ANO4: variants seen among roughly 807,000 people sequenced by gnomAD.
ANO4 encodes anoctamin-4.
Under a neutral mutation model 141.9 loss-of-function variants are expected in ANO4, and 69 were observed. The observed-to-expected ratio is 0.49, with a 90% CI of 0.40 to 0.59. The LOEUF (loss-of-function observed/expected upper bound fraction) is 0.59, where lower values mean the gene tolerates loss of function less well. ANO4 is among the 20% of genes least tolerant of loss of function. ANO4 has a pLI of 0.00. For missense variants in ANO4, 894 were observed against 1,162.2 expected (o/e 0.77, Z 3.36); for synonymous variants, 350 against 394.3 (o/e 0.89, Z 1.33).
chr12:100,800,753 A>G (rs187109356), intron 1 of ANO4, among the ~76,000 whole-genome samples: 1 of 152,344 alleles, frequency 6.6e-6, no homozygotes, highest in East Asian at 1.9e-4. Flanking sequence ...CAGATTAAAT[A>G]CCACACTCCT....
chr12:100,864,596 A>G (rs1166059467), intron 1 of ANO4, among the ~76,000 whole-genome samples: 1 of 152,082 alleles, frequency 6.6e-6, no homozygotes, highest in South Asian at 2.1e-4. Flanking sequence ...ACACCCACAC[A>G]CAGACACCTT....
At chr12:100,957,241 A>T (rs930594837) in intron 5 of ANO4, among the ~76,000 whole-genome samples, 4 of 152,204 alleles carry the variant, frequency 2.6e-5, no homozygotes, top group African/African-American at 9.6e-5. Context: ...GTCAAAGTGG[A>T]AGTAGACACA....
At chr12:101,051,765 T>C (rs1207251705) in intron 14 of ANO4, among the ~76,000 whole-genome samples, 1 of 152,212 alleles carries the variant, frequency 6.6e-6, no homozygotes, top group African/African-American at 2.4e-5. Flanking sequence ...AACTGGGCAG[T>C]GTGAGCTCCT....
intron 1 of ANO4, among the ~76,000 whole-genome samples, chr12:100,884,845 C>T (rs1166476282): frequency 6.6e-6 from 1 of 152,330 alleles, no homozygotes; most frequent in East Asian, 1.9e-4. Context: ...CAGGCATGCG[C>T]AACCATGCCC....
intron 5 of ANO4, among the ~76,000 whole-genome samples, chr12:100,951,746 A>T (rs17030792): frequency 6.6e-5 from 10 of 152,316 alleles, no homozygotes; most frequent in Non-Finnish European, 1.2e-4. Context: ...TGAGTTTGCT[A>T]CAAAAGATTG....
intron 8 of ANO4, among the ~76,000 whole-genome samples, chr12:101,001,857 A>T (rs2045657906): frequency 6.6e-6 from 1 of 152,156 alleles, no homozygotes; most frequent in African/African-American, 2.4e-5. Context: ...TCAAATAACC[A>T]CTAATTCAAG....
At position 100,895,895 on chromosome 12, in the gene ANO4, A is replaced by G. The variant is rs558577355; in HGVS notation, c.-140-5751A>G. Among the ~76,000 whole-genome samples, 6 of 151,954 alleles carry G rather than the reference A, an allele frequency of 3.9e-5. 1 individual carries two copies. In the South Asian group the frequency reaches 1.0e-3, roughly 26 times the overall value. ...TTATTTATTAAAATATTAGTCATTT[A>G]TTGTGTTCCCGTATACTCATCAAGT... On this transcript the variant is annotated intron_variant, in intron 1 of 27. Coordinates refer to ENST00000392977, the MANE Select transcript of ANO4 (RefSeq NM_001286615.2).
intron 5 of ANO4, among the ~76,000 whole-genome samples, chr12:100,966,940 A>G (rs2043696176): frequency 6.6e-6 from 1 of 151,760 alleles, no homozygotes; most frequent in African/African-American, 2.4e-5. Context: ...CCTTTGAGAG[A>G]TGGACTGCTT....
intron 3 of ANO4, among the ~76,000 whole-genome samples, chr12:100,748,832 C>A (rs948365662): frequency 1.3e-5 from 2 of 151,962 alleles, no homozygotes; most frequent in Admixed American, 1.3e-4. Context: ...TCCTACTTCC[C>A]TTTCTGCTTT....
chr12:100,988,370 G>A (rs945912663), intron 8 of ANO4, among the ~76,000 whole-genome samples: 2 of 152,030 alleles, frequency 1.3e-5, no homozygotes, highest in East Asian at 1.9e-4. Flanking sequence ...AAAGCCTGCC[G>A]TGTGCTGGAG....
chr12:101,004,994 C>A (rs1566116145), intron 8 of ANO4, among the ~76,000 whole-genome samples: 1 of 152,094 alleles, frequency 6.6e-6, no homozygotes, highest in Non-Finnish European at 1.5e-5. Context: ...CTGCTCCCAG[C>A]AATATAAATG....
At chr12:101,069,669 G>A (rs577783022) in intron 14 of ANO4, among the ~76,000 whole-genome samples, 12 of 152,276 alleles carry the variant, frequency 7.9e-5, no homozygotes, top group African/African-American at 2.4e-4. Context: ...TGAAGGTGGG[G>A]TTTGTGTTTT....
At chr12:100,776,405 C>T (rs2033506315) in intron 3 of ANO4, among the ~76,000 whole-genome samples, 1 of 152,156 alleles carries the variant, frequency 6.6e-6, no homozygotes, top group South Asian at 2.1e-4. Flanking sequence ...TTCATAACCA[C>T]CCCAGGGATT....
intron 22 of ANO4, among the ~76,000 whole-genome samples, chr12:101,103,181 TTTTATATATA>T (rs1287682925): frequency 0.014 from 1,289 of 90,586 alleles, 169 homozygotes; most frequent in African/African-American, 0.04. Context: ...TTTTTAGTCA[TTTTATATATA>T]TATATATATA....
At chr12:100,865,560 C>G (rs912608776) in intron 1 of ANO4, among the ~76,000 whole-genome samples, 1 of 152,162 alleles carries the variant, frequency 6.6e-6, no homozygotes, top group African/African-American at 2.4e-5. Context: ...AAAAAAAGCT[C>G]ATCATCACTG....
intron 1 of ANO4, among the ~76,000 whole-genome samples, chr12:100,873,808 T>C (rs1447483329): frequency 1.3e-5 from 2 of 152,210 alleles, no homozygotes; most frequent in Non-Finnish European, 2.9e-5. Context: ...TGAATGTTAA[T>C]AGCCAAGACA....
At chr12:101,110,270 G>C (rs1391947609) in intron 22 of ANO4, 134 bp from the exon 23 acceptor site, 5 of 915,632 alleles carry the variant, frequency 5.5e-6, no homozygotes, top group Non-Finnish European at 7.4e-6. Context: ...CCATCTTTCT[G>C]GAAGAGATAT....
intron 7 of ANO4, among the ~76,000 whole-genome samples, chr12:100,981,456 AAGGAAG>A (rs1186444072): frequency 6.6e-6 from 1 of 151,862 alleles, no homozygotes. Flanking sequence ...GGAAGGAAGG[AAGGAAG>A]AAAGGAAGGG....
rs117412283 is a variant in ANO4, at chr12:100,936,834, T to G, written c.161-2481T>G. Among the ~76,000 whole-genome samples the G allele has an allele frequency of 7.2e-5, 11 of 152,306 alleles. No homozygotes were observed. In the East Asian group the frequency reaches 2.1e-3, roughly 29 times the overall value. On this transcript the variant is annotated intron_variant, in intron 3 of 27. Coordinates refer to ENST00000392977, the MANE Select transcript of ANO4 (RefSeq NM_001286615.2). ...GTCACCCTGCTAATATGCACATTGATGTAATCCTCTTCGCCACCCTGAGAG... is the reference window on the plus strand; with the variant it reads ...GTCACCCTGCTAATATGCACATTGAGGTAATCCTCTTCGCCACCCTGAGAG...
Sources: allele counts gnomAD v4.1 joint callset (sites outside exome capture counted in the v4.1 genomes callset), GRCh38; gene constraint gnomAD v4.1.1; transcripts MANE v1.5; gene names NCBI Gene and HGNC (gene_info 2026-07-23, HGNC 2026-07-21).